The following GPN1 variants were observed in gnomAD, a reference collection of about 807,000 sequenced individuals.
GPN1 encodes the protein GPN-loop GTPase 1.
Under a neutral mutation model 55.9 loss-of-function variants are expected in GPN1, and 44 were observed. The ratio of observed to expected loss-of-function variants is 0.79; its 90% CI spans 0.62 to 1.01. The LOEUF (loss-of-function observed/expected upper bound fraction) is 1.01, where lower values mean the gene tolerates loss of function less well. GPN1 is among the 50% of genes least tolerant of loss of function. The pLI, the probability that GPN1 is intolerant of heterozygous loss-of-function variation, is 0.00. For synonymous variants in GPN1, 179 were observed against 162.5 expected (o/e 1.10, Z -0.77); for missense variants, 466 against 462.8 (o/e 1.01, Z -0.06).
chr2:27,638,393 C>T (rs530629319), intron 8 of GPN1, 138 bp downstream of exon 8: 18 of 582,640 alleles, frequency 3.1e-5, no homozygotes, highest in Middle Eastern at 3.1e-4. Flanking sequence ...ATAGGCACTT[C>T]GAGAAAATGA....
intron 7 of GPN1, among the ~76,000 whole-genome samples, chr2:27,637,104 C>T (rs528189734): frequency 1.3e-5 from 2 of 152,070 alleles, no homozygotes; most frequent in Non-Finnish European, 2.9e-5. Context: ...AAATATAAAA[C>T]TTTGACTCCC....
intron 2 of GPN1, 80 bp from the exon 3 acceptor site, chr2:27,630,947 C>T (rs1673524146): frequency 1.4e-6 from 1 of 737,590 alleles, no homozygotes; most frequent in African/African-American, 1.7e-5. Flanking sequence ...CAGGAGAAGG[C>T]TAGAAGGCCA....
chr2:27,635,367 G>A (rs894329211), intron 7 of GPN1, 133 bp downstream of exon 7: 3 of 597,190 alleles, frequency 5.0e-6, no homozygotes, highest in African/African-American at 2.0e-5. Context: ...TTGCTGTTCA[G>A]TTGAGTGGCT....
At chr2:27,641,099 C>CT in intron 10 of GPN1, 141 bp from the exon 11 acceptor site, 1 of 623,450 alleles carries the variant, frequency 1.6e-6, no homozygotes, top group Non-Finnish European at 2.8e-6. Context: ...CTGTCAGTGA[C>CT]TAAGATTTGT....
chr2:27,639,863 A>C (rs1472728000), intron 9 of GPN1, among the ~76,000 whole-genome samples, 180 bp from the exon 10 acceptor site: 2 of 151,936 alleles, frequency 1.3e-5, no homozygotes, highest in African/African-American at 4.8e-5. Context: ...CCATGGACTT[A>C]TTTCTGTGAC....
At chr2:27,635,298 C>CTAT in intron 7 of GPN1, 64 bp downstream of exon 7, 1 of 445,288 alleles carries the variant, frequency 2.2e-6, no homozygotes, top group Non-Finnish European at 3.6e-6. Flanking sequence ...CTTCTTCTTC[C>CTAT]TCTTTTTTTT....
chr2:27,641,512 T>G (rs13408144), intron 11 of GPN1, among the ~76,000 whole-genome samples: 8,698 of 152,202 alleles, frequency 0.057, 689 homozygotes, highest in African/African-American at 0.18. Context: ...GTGCGGAAAG[T>G]CTCCTTAATG....
chr2:27,629,804 G>A, intron 1 of GPN1, 55 bp from the exon 2 acceptor site: 2 of 946,638 alleles, frequency 2.1e-6, no homozygotes, highest in East Asian at 2.4e-5. Context: ...AGGAATGGAA[G>A]TTCTCTCTTG....
chr2:27,648,261 T>C (rs1674341622), intron 13 of GPN1, among the ~76,000 whole-genome samples: 1 of 152,232 alleles, frequency 6.6e-6, no homozygotes, highest in Non-Finnish European at 1.5e-5. Context: ...GGCTCATGCC[T>C]GTAATCCCAC....
intron 12 of GPN1, among the ~76,000 whole-genome samples, chr2:27,647,062 A>AG (rs1458840629): frequency 6.6e-6 from 1 of 152,184 alleles, no homozygotes. Context: ...CATAATTGTT[A>AG]GGCACAGAAT....
intron 12 of GPN1, among the ~76,000 whole-genome samples, chr2:27,646,517 A>G (rs1674240315): frequency 6.6e-6 from 1 of 151,954 alleles, no homozygotes; most frequent in South Asian, 2.1e-4. Flanking sequence ...TTTTAGTTTT[A>G]TCATTGGCTC....
At chr2:27,644,521 A>G (rs866825285) in intron 12 of GPN1, among the ~76,000 whole-genome samples, 14 of 151,930 alleles carry the variant, frequency 9.2e-5, no homozygotes, top group Admixed American at 2.6e-4. Flanking sequence ...ATATATACCT[A>G]TGTTAAAGAG....
In GPN1 at chr2:27,629,103, T is replaced by C. The variant is rs765179259; in HGVS notation, c.45T>C (p.Gly15=). The change falls in exon 1 of 14, where the codon GGT becomes GGC. Residue 15 remains glycine (G), a synonymous_variant. Transcript: ENST00000610189. ...AAAAELQASG[G]PRHPVCLLVL... is the part of the protein sequence containing the mutation. ...CCGCTGAGCTCCAGGCTTCTGGGGG[T>C]CCGCGGCACCCAGTGTGTCTGTTGG... is the stretch of plus-strand genomic sequence containing the variant. 2.0e-5 allele frequency: 32 copies of C among 1,614,042 alleles called. No individual in the cohort carries two copies. In the African/African-American group the frequency reaches 3.7e-4, roughly 19 times the overall value.
chr2:27,646,270 G>A (rs1007671862), intron 12 of GPN1, among the ~76,000 whole-genome samples: 1 of 152,162 alleles, frequency 6.6e-6, no homozygotes, highest in Non-Finnish European at 1.5e-5. Flanking sequence ...TTGAACTCCT[G>A]ACCTCAGGTG....
At chr2:27,630,249 T>C (rs1057306383) in intron 2 of GPN1, among the ~76,000 whole-genome samples, 10 of 152,172 alleles carry the variant, frequency 6.6e-5, no homozygotes, top group Non-Finnish European at 1.5e-4. Flanking sequence ...ATCGTGCCAC[T>C]GCACTCCAGC....
intron 3 of GPN1, 149 bp downstream of exon 3, chr2:27,631,215 A>G: frequency 1.6e-6 from 1 of 622,576 alleles, no homozygotes; most frequent in South Asian, 1.9e-5. Flanking sequence ...GTGATCAGAA[A>G]TACTATTTCA....
At chr2:27,637,124 A>C (rs1042139380) in intron 7 of GPN1, among the ~76,000 whole-genome samples, 3 of 152,162 alleles carry the variant, frequency 2.0e-5, no homozygotes, top group African/African-American at 7.2e-5. Flanking sequence ...CCCCAAACTT[A>C]ATTACTAAAG....
At position 27,631,886 on chromosome 2, in the gene GPN1, A is replaced by G. The variant is rs1229584378; in HGVS notation, c.298A>G (p.Thr100Ala). The G allele has an allele frequency of 6.3e-7, 1 of 1,585,374 alleles. No individual in the cohort carries two copies. Among genetic ancestry groups the G allele is most frequent in the Non-Finnish European group, 8.7e-7 (1 of 1,153,774 alleles). Residue 100 changes from threonine (T) to alanine (A), a missense_variant, in exon 4 of 14, where the codon ACC becomes GCC. By Grantham distance (58) the Thr-to-Ala change is moderately conservative. Coordinates refer to ENST00000610189, the MANE Select transcript of GPN1 (RefSeq NM_007266.4). ...AGTGACCTCACTCAATCTCTTTGCT[A>G]CCAGATTTGATCAGGTATATCTGTC... ...GIVTSLNLFA[T>A]RFDQVMKFIE...
At chr2:27,639,690 A>AT in intron 9 of GPN1, among the ~76,000 whole-genome samples, 1 of 151,864 alleles carries the variant, frequency 6.6e-6, no homozygotes, top group East Asian at 1.9e-4. Context: ...TACCCAGCTA[A>AT]TTTTTTATAT....
Sources: gnomAD v4.1 joint callset for allele counts (sites outside exome capture counted in the v4.1 genomes callset) on GRCh38, gnomAD v4.1.1 for gene constraint, MANE v1.5 for transcripts, NCBI Gene and HGNC (gene_info 2026-07-23, HGNC 2026-07-21) for gene names.